Variants in FZD3 observed in about 807,000 individuals in gnomAD.
FZD3 encodes the protein frizzled class receptor 3.
Under a neutral mutation model 60.7 loss-of-function variants are expected in FZD3, and 30 were observed. That is an observed-to-expected ratio of 0.49 (90% confidence interval 0.37 to 0.67). The LOEUF (loss-of-function observed/expected upper bound fraction) is 0.67. Ranked by LOEUF, FZD3 falls within the 30% of genes least tolerant of loss-of-function variation. The probability of loss-of-function intolerance (pLI) is 0.00; values close to 1 mark genes in which losing one functional copy is unlikely to be tolerated. For missense variants in FZD3, 605 were observed against 838.7 expected, an observed-to-expected ratio of 0.72 and a Z score of 3.44; for synonymous variants, 246 against 275.2, an observed-to-expected ratio of 0.89 and a Z score of 1.05.
chr8:28,551,002 T>C (rs976373303), intron 5 of FZD3, among the ~76,000 whole-genome samples: 1 of 152,128 alleles, frequency 6.6e-6, no homozygotes, highest in African/African-American at 2.4e-5. Flanking sequence ...CACCACTGCC[T>C]CTCTCCCGCC....
chr8:28,505,275 T>G (rs7833751), intron 3 of FZD3: 81,978 of 154,312 alleles, frequency 0.53, 22,603 homozygotes, highest in Middle Eastern at 0.64. Flanking sequence ...CTGAATGAAT[T>G]CAAAGACAGT....
At chr8:28,501,088 A>C (rs1402058202) in intron 2 of FZD3, among the ~76,000 whole-genome samples, 1 of 152,164 alleles carries the variant, frequency 6.6e-6, no homozygotes, top group Non-Finnish European at 1.5e-5. Context: ...GGCAGATCTC[A>C]ACATTTGTGG....
intron 5 of FZD3, among the ~76,000 whole-genome samples, chr8:28,537,287 A>T (rs1805040714): frequency 6.6e-6 from 1 of 152,148 alleles, no homozygotes; most frequent in African/African-American, 2.4e-5. Flanking sequence ...AAATATGATA[A>T]AATATACAAG....
At chr8:28,507,045 C>G (rs949959368) in intron 3 of FZD3, among the ~76,000 whole-genome samples, 2 of 152,076 alleles carry the variant, frequency 1.3e-5, no homozygotes, top group Non-Finnish European at 2.9e-5. Context: ...TTGTTATATA[C>G]CTCCGAAAAG....
In FZD3 at chr8:28,541,175, C is replaced by A. The variant is rs61279057; in HGVS notation, c.1405-10428C>A. On this transcript the variant is annotated intron_variant, in intron 5 of 7. Transcript: ENST00000240093. The stretch of plus-strand genomic sequence containing the variant: ...TGTTCTTCATTTATAAGGGGACACT[C>A]CTTCTTTATAGCAGTAGCTTGGCTC... 4.6e-3 allele frequency among the ~76,000 whole-genome samples: 705 copies of A among 152,302 alleles called. 24 individuals carry two copies. In the East Asian group the frequency reaches 0.089, roughly 19 times the overall value.
At chr8:28,553,080 C>A (rs1805443222) in intron 6 of FZD3, among the ~76,000 whole-genome samples, 1 of 152,136 alleles carries the variant, frequency 6.6e-6, no homozygotes, top group Non-Finnish European at 1.5e-5. Context: ...GTCCTGAAAC[C>A]ACTCTCCTGA....
At chr8:28,524,649 C>T (rs1010428678) in intron 4 of FZD3, among the ~76,000 whole-genome samples, 52 of 152,254 alleles carry the variant, frequency 3.4e-4, no homozygotes, top group African/African-American at 7.0e-4. Context: ...AATGGTGCTT[C>T]CCAGAGTTCG....
At chr8:28,545,355 G>T (rs1361950048) in intron 5 of FZD3, among the ~76,000 whole-genome samples, 1 of 152,142 alleles carries the variant, frequency 6.6e-6, no homozygotes, top group Non-Finnish European at 1.5e-5. Flanking sequence ...TGCTTGCTTT[G>T]GGAGAGGTCA....
intron 1 of FZD3, among the ~76,000 whole-genome samples, chr8:28,496,869 G>A (rs553043857): frequency 6.6e-6 from 1 of 152,264 alleles, no homozygotes; most frequent in East Asian, 1.9e-4. Flanking sequence ...TAATTCTGTA[G>A]TCAAAGCATG....
chr8:28,514,204 G>T (rs1209275438), intron 3 of FZD3, among the ~76,000 whole-genome samples: 6 of 152,054 alleles, frequency 3.9e-5, no homozygotes, highest in Non-Finnish European at 8.8e-5. Flanking sequence ...TCCTTTTCTA[G>T]ACTTCATAGA....
In FZD3 at chr8:28,565,432, A is replaced by G. The variant is rs1805689424; in HGVS notation, c.*2421A>G. The G allele has an allele frequency of 6.6e-6, 1 of 152,186 alleles. No individual in the cohort carries two copies. The highest frequency in any genetic ancestry group is 1.5e-5 in the Non-Finnish European group (1 of 68,008). The allele number at this position is 152,186 out of a possible 1,614,324, so 9.4% of individuals were successfully genotyped here. A position where few individuals can be genotyped will look rare whatever the true frequency, so the allele number is the denominator to read the frequency against. On this transcript the variant is annotated 3_prime_UTR_variant, in exon 8 of 8. Transcript: ENST00000240093. ...CCTGCAAACAGCATGAGAGAACTAA[A>G]ACAAACATTCACAAACAAAAATAAG...
chr8:28,504,046 T>C (rs564010158), intron 3 of FZD3, among the ~76,000 whole-genome samples: 112 of 152,340 alleles, frequency 7.4e-4, no homozygotes, highest in African/African-American at 2.1e-3. Flanking sequence ...TTTGATACAT[T>C]ACTCTTCAGC....
In FZD3 at chr8:28,520,630, T is replaced by C; in HGVS notation, c.190-8T>C. On this transcript the variant is annotated splice_polypyrimidine_tract_variant and splice_region_variant and intron_variant, in intron 3 of 7. Coordinates refer to ENST00000240093, the MANE Select transcript of FZD3 (RefSeq NM_017412.4). ...TTAACTAATTATTCAATTTTAACTT[T>C]TCCCTAGCCATTCCACCCTATGGTG... The C allele has an allele frequency of 6.6e-7, 1 of 1,519,462 alleles. No individual in the cohort carries two copies. The highest frequency in any genetic ancestry group is 8.9e-7 in the Non-Finnish European group (1 of 1,125,132). The allele number at this position is 1,519,462 out of a possible 1,614,324, so 94.1% of individuals were successfully genotyped here.
At chr8:28,536,474 A>G (rs1211268035) in intron 5 of FZD3, among the ~76,000 whole-genome samples, 1 of 152,126 alleles carries the variant, frequency 6.6e-6, no homozygotes, top group Non-Finnish European at 1.5e-5. Context: ...TTGGGAGGCC[A>G]AGGAGGGTGG....
At chr8:28,524,926 C>G (rs1393168954) in intron 4 of FZD3, among the ~76,000 whole-genome samples, 1 of 152,184 alleles carries the variant, frequency 6.6e-6, no homozygotes, top group Non-Finnish European at 1.5e-5. Flanking sequence ...GAAGTATCTT[C>G]TGTTCCTACT....
At chr8:28,544,126 C>A (rs902324878) in intron 5 of FZD3, among the ~76,000 whole-genome samples, 2 of 151,998 alleles carry the variant, frequency 1.3e-5, no homozygotes, top group Non-Finnish European at 2.9e-5. Context: ...CTGTTAATAT[C>A]TTCTGGGATA....
At chr8:28,513,702 A>G (rs1804347402) in intron 3 of FZD3, among the ~76,000 whole-genome samples, 1 of 152,184 alleles carries the variant, frequency 6.6e-6, no homozygotes, top group Admixed American at 6.5e-5. Context: ...GGGATCTGAA[A>G]TAGCCATTTT....
chr8:28,557,679 G>A (rs1375132179), intron 7 of FZD3, among the ~76,000 whole-genome samples: 1 of 152,098 alleles, frequency 6.6e-6, no homozygotes, highest in African/African-American at 2.4e-5. Context: ...TGCCTTGAAA[G>A]TGTAGTCTTT....
intron 7 of FZD3, among the ~76,000 whole-genome samples, chr8:28,562,114 A>G (rs1014441289): frequency 6.6e-6 from 1 of 152,196 alleles, no homozygotes; most frequent in Admixed American, 6.5e-5. Context: ...TGCTTTAGCC[A>G]GAATATAGGT....
Sources: allele counts gnomAD v4.1 joint callset (sites outside exome capture counted in the v4.1 genomes callset), GRCh38; gene constraint gnomAD v4.1.1; transcripts MANE v1.5; gene names NCBI Gene and HGNC (gene_info 2026-07-23, HGNC 2026-07-21).